SPTLC3: variants seen among roughly 807,000 people sequenced by gnomAD.
The protein encoded by SPTLC3 is serine palmitoyltransferase 3.
SPTLC3 carries 36 observed loss-of-function variants against 59.3 expected under a neutral mutation model. That is an observed-to-expected ratio of 0.61 (90% CI 0.47 to 0.80). SPTLC3 has a LOEUF of 0.80. SPTLC3 is among the 30% of genes least tolerant of loss of function. The pLI is 0.00. For missense variants in SPTLC3, 625 were observed against 685.1 expected, an observed-to-expected ratio of 0.91 and a Z score of 0.98; for synonymous variants, 257 against 240.8, an observed-to-expected ratio of 1.07 and a Z score of -0.62.
At chr20:13,129,001 C>T (rs973999203) in intron 9 of SPTLC3, among the ~76,000 whole-genome samples, 2 of 151,818 alleles carry the variant, frequency 1.3e-5, no homozygotes, top group Admixed American at 6.6e-5. Flanking sequence ...CTCAGCCTCC[C>T]GAGTAGCTGG....
At chr20:13,083,068 G>A (rs1287599984) in intron 4 of SPTLC3, among the ~76,000 whole-genome samples, 1 of 152,160 alleles carries the variant, frequency 6.6e-6, no homozygotes, top group Non-Finnish European at 1.5e-5. Flanking sequence ...TAGTACAATG[G>A]AAGTCATTTC....
At chr20:13,126,067 A>G (rs1600331674) in intron 8 of SPTLC3, among the ~76,000 whole-genome samples, 1 of 151,936 alleles carries the variant, frequency 6.6e-6, no homozygotes, top group East Asian at 1.9e-4. Context: ...AGGCCTAATC[A>G]TATCTCCTCA....
intron 5 of SPTLC3, among the ~76,000 whole-genome samples, chr20:13,091,591 A>G (rs1364319773): frequency 1.5e-5 from 1 of 67,594 alleles, no homozygotes; most frequent in Non-Finnish European, 4.3e-5. Flanking sequence ...AAAAGAAAAA[A>G]AGAAGAAGTA....
At chr20:13,125,046 CA>C (rs2122785133) in intron 8 of SPTLC3, among the ~76,000 whole-genome samples, 1 of 151,860 alleles carries the variant, frequency 6.6e-6, no homozygotes, top group South Asian at 2.1e-4. Flanking sequence ...GGCCTGTCAT[CA>C]GCCCATTAGC....
chr20:13,029,643 A>G (rs1024959082), intron 1 of SPTLC3, among the ~76,000 whole-genome samples: 2 of 152,184 alleles, frequency 1.3e-5, no homozygotes, highest in African/African-American at 4.8e-5. Context: ...GAGACAATAT[A>G]CTTATTTTTC....
At chr20:13,057,667 T>C (rs1000337757) in intron 2 of SPTLC3, among the ~76,000 whole-genome samples, 3 of 152,180 alleles carry the variant, frequency 2.0e-5, no homozygotes, top group Non-Finnish European at 4.4e-5. Context: ...AAGCTCAAGT[T>C]AGACTCCACT....
At chr20:13,065,540 T>C (rs1988170068) in intron 2 of SPTLC3, among the ~76,000 whole-genome samples, 1 of 152,040 alleles carries the variant, frequency 6.6e-6, no homozygotes, top group South Asian at 2.1e-4. Context: ...TTAACACTTA[T>C]TTAAACCATA....
intron 1 of SPTLC3, among the ~76,000 whole-genome samples, chr20:13,045,401 G>T (rs1987188188): frequency 6.6e-6 from 1 of 152,140 alleles, no homozygotes; most frequent in East Asian, 1.9e-4. Flanking sequence ...TATTAAGCAA[G>T]ATTTTATGCT....
chr20:13,071,050 A>G (rs1307057436), intron 2 of SPTLC3, among the ~76,000 whole-genome samples: 1 of 152,100 alleles, frequency 6.6e-6, no homozygotes, highest in Non-Finnish European at 1.5e-5. Flanking sequence ...AATCCCACGA[A>G]TGTCCAAAGT....
intron 8 of SPTLC3, among the ~76,000 whole-genome samples, chr20:13,122,914 T>C (rs995250059): frequency 3.3e-5 from 5 of 152,168 alleles, no homozygotes; most frequent in African/African-American, 4.8e-5. Context: ...CACACAACCT[T>C]AGAATGTAAC....
rs375680092 is a variant in SPTLC3 at position 13,088,784 on chromosome 20, A to ATTTTTTTTTTTTT, written c.608-2293_608-2281dup. 2.9e-3 allele frequency among the ~76,000 whole-genome samples: 324 copies of ATTTTTTTTTTTTT among 111,780 alleles called. 1 individual carries two copies. Among genetic ancestry groups the ATTTTTTTTTTTTT allele is most frequent in the East Asian group, 9.3e-3 (36 of 3,882 alleles). The allele number at this position is 111,780 out of a possible 152,430, so 73.3% of individuals were successfully genotyped here. ...TAGGCACCCGCCACTGCACCCGGCT[A>ATTTTTTTTTTTTT]TTTTTTTTTTTTTTTTTTGTATTTT... On this transcript the variant is annotated intron_variant, in intron 4 of 11. Coordinates refer to ENST00000399002, the MANE Select transcript of SPTLC3 (RefSeq NM_018327.4).
chr20:13,126,479 C>A, intron 8 of SPTLC3, 112 bp from the exon 9 acceptor site: 2 of 1,258,438 alleles, frequency 1.6e-6, no homozygotes, highest in Non-Finnish European at 2.2e-6. Flanking sequence ...ATCTTTTGAG[C>A]ATGAGATCAA....
rs185754542 is a variant in SPTLC3, at chr20:13,086,039, T to C, written c.608-5044T>C. Among the ~76,000 whole-genome samples, 588 of 152,204 alleles carry C rather than the reference T, an allele frequency of 3.9e-3. 1 individual carries two copies. Among genetic ancestry groups the C allele is most frequent in the Middle Eastern group, 6.8e-3 (2 of 294 alleles). On this transcript the variant is annotated intron_variant, in intron 4 of 11. Coordinates refer to ENST00000399002, the MANE Select transcript of SPTLC3 (RefSeq NM_018327.4). ...TTATTGACTTTCAGAGACTAAAATG[T>C]CACAGAGAAACAGAAAAAAAAATTG...
chr20:13,075,814 C>G (rs887606422), intron 4 of SPTLC3, among the ~76,000 whole-genome samples: 15 of 152,186 alleles, frequency 9.9e-5, no homozygotes, highest in African/African-American at 3.6e-4. Flanking sequence ...AGCCAGAAGA[C>G]ACATTCCTGA....
chr20:13,066,582 T>C (rs2122553422), intron 2 of SPTLC3, among the ~76,000 whole-genome samples: 1 of 152,310 alleles, frequency 6.6e-6, no homozygotes, highest in South Asian at 2.1e-4. Context: ...TTGTTTTTAT[T>C]TGGTTGCTGA....
chr20:13,129,641 G>A (rs867468594), intron 9 of SPTLC3, among the ~76,000 whole-genome samples: 2 of 152,160 alleles, frequency 1.3e-5, no homozygotes, highest in Admixed American at 6.6e-5. Context: ...TATGTCATCC[G>A]AATCAGTTGC....
intron 1 of SPTLC3, among the ~76,000 whole-genome samples, chr20:13,039,198 T>C (rs1986867411): frequency 6.6e-6 from 1 of 152,078 alleles, no homozygotes; most frequent in Non-Finnish European, 1.5e-5. Flanking sequence ...CTACTTATTT[T>C]ATTCATTATT....
intron 1 of SPTLC3, among the ~76,000 whole-genome samples, chr20:13,039,502 C>G (rs1158307595): frequency 6.6e-6 from 1 of 152,022 alleles, no homozygotes; most frequent in Non-Finnish European, 1.5e-5. Flanking sequence ...GTTTGCATCT[C>G]TGAATCAAAA....
intron 2 of SPTLC3, among the ~76,000 whole-genome samples, chr20:13,063,648 T>TATTTATTC (rs1454423829): frequency 2.0e-5 from 3 of 150,688 alleles, no homozygotes; most frequent in Non-Finnish European, 4.4e-5. Flanking sequence ...TTTATTTATT[T>TATTTATTC]ATTTATTTAT....
Sources: allele counts gnomAD v4.1 joint callset (sites outside exome capture counted in the v4.1 genomes callset), GRCh38; gene constraint gnomAD v4.1.1; transcripts MANE v1.5; gene names NCBI Gene and HGNC (gene_info 2026-07-23, HGNC 2026-07-21).